SEMA3A: variants seen among roughly 807,000 people sequenced by gnomAD.
SEMA3A encodes the protein semaphorin 3A.
In SEMA3A, 29 loss-of-function variants were observed where a neutral mutation model predicts 97.9. The ratio of observed to expected loss-of-function variants is 0.30; its 90% confidence interval spans 0.22 to 0.40. The LOEUF is 0.40. SEMA3A is among the 10% of genes least tolerant of loss of function. The pLI, the probability that SEMA3A is intolerant of heterozygous loss-of-function variation, is 1.00. For synonymous variants in SEMA3A, 321 were observed against 323.7 expected, an observed-to-expected ratio of 0.99 and a Z score of 0.09; for missense variants, 763 against 951.3, an observed-to-expected ratio of 0.80 and a Z score of 2.60.
At chr7:84,255,736 C>T (rs1799704759) in intron 3 of SEMA3A, among the ~76,000 whole-genome samples, 1 of 151,712 alleles carries the variant, frequency 6.6e-6, no homozygotes, top group Non-Finnish European at 1.5e-5. Flanking sequence ...AGAAAAATGG[C>T]ATATAGATTA....
In SEMA3A at chr7:84,062,898, C is replaced by G. The variant is rs568904805; in HGVS notation, c.454-2340G>C. Among the ~76,000 whole-genome samples, 871 of 151,842 alleles carry G rather than the reference C, an allele frequency of 5.7e-3. 7 individuals carry two copies. Among genetic ancestry groups the G allele is most frequent in the African/African-American group, 0.019 (766 of 41,292 alleles). ...GGTAAACAAAGCAGCCTGGAAGCTC[C>G]AACTGGGTGGAGCCCACCACAGCTC... On this transcript the variant is annotated intron_variant, in intron 4 of 16. Coordinates refer to ENST00000265362, the MANE Select transcript of SEMA3A (RefSeq NM_006080.3).
At chr7:84,442,191 A>G (rs1237494265) in intron 1 of SEMA3A, among the ~76,000 whole-genome samples, 1 of 152,170 alleles carries the variant, frequency 6.6e-6, no homozygotes, top group Non-Finnish European at 1.5e-5. Context: ...ATTTGCCTAA[A>G]ACTAATGTCA....
chr7:84,328,814 G>A (rs1479895397), intron 2 of SEMA3A, among the ~76,000 whole-genome samples: 1 of 151,878 alleles, frequency 6.6e-6, no homozygotes, highest in Non-Finnish European at 1.5e-5. Context: ...CCCATAGAAG[G>A]GAAAGACATA....
intron 12 of SEMA3A, among the ~76,000 whole-genome samples, chr7:84,000,418 C>T (rs560825900): frequency 5.9e-5 from 9 of 152,070 alleles, no homozygotes; most frequent in Non-Finnish European, 1.3e-4. Flanking sequence ...ATCTTGAAGA[C>T]TTAAACCAAG....
chr7:84,199,331 GT>G (rs2116292357), upstream of SEMA3A, among the ~76,000 whole-genome samples: 1 of 152,200 alleles, frequency 6.6e-6, no homozygotes, highest in African/African-American at 2.4e-5. Context: ...CCATTTCATT[GT>G]GATCAGATAC....
chr7:84,216,763 A>G lies in SEMA3A; in HGVS notation c.-82-22095T>C, dbSNP rs530092358. ...ACGTCCAGTTGACAGACTCTCCAAG[A>G]AAATTCTAAAATTAGATACTAGATC... On this transcript the variant is annotated intron_variant, in intron 3 of 3. Coordinates refer to the SEMA3A transcript ENST00000424555. 7.2e-5 allele frequency among the ~76,000 whole-genome samples: 11 copies of G among 152,270 alleles called. No individual in the cohort carries two copies. In the South Asian group the frequency reaches 2.3e-3, roughly 32 times the overall value.
chr7:84,011,226 T>C lies in SEMA3A; in HGVS notation c.882A>G (p.Ser294=), dbSNP rs1199268862. Residue 294 remains serine, a synonymous_variant, in exon 8 of 17, where the codon TCA becomes TCG. Transcript: ENST00000265362. ...TGTCAATGCCATTTGGACCTGGCAC[T>C]GAGCAAATCAGACGAGCTTTGAGGA... The part of the protein sequence containing the change: ...TTFLKARLIC[S]VPGPNGIDTH... The C allele has an allele frequency of 5.6e-6, 9 of 1,613,904 alleles. No individual in the cohort carries two copies. Among genetic ancestry groups the C allele is most frequent in the African/African-American group, 4.0e-5 (3 of 74,932 alleles).
chr7:84,272,655 C>G (rs1800180498), intron 3 of SEMA3A, among the ~76,000 whole-genome samples: 1 of 151,894 alleles, frequency 6.6e-6, no homozygotes, highest in South Asian at 2.1e-4. Flanking sequence ...GTAAATGAGA[C>G]TAGATTACAA....
At chr7:83,995,322 G>T (rs1228539736) in intron 12 of SEMA3A, among the ~76,000 whole-genome samples, 1 of 151,944 alleles carries the variant, frequency 6.6e-6, no homozygotes, top group Non-Finnish European at 1.5e-5. Flanking sequence ...GTTCCTATTT[G>T]GCCATCTTGG....
intron 1 of SEMA3A, among the ~76,000 whole-genome samples, chr7:84,395,567 G>A (rs1025491898): frequency 2.0e-5 from 3 of 151,276 alleles, no homozygotes; most frequent in Non-Finnish European, 4.4e-5. Flanking sequence ...GTCAAGGGGG[G>A]GACCAGGTGG....
chr7:84,417,956 C>A (rs1391240182), intron 1 of SEMA3A, among the ~76,000 whole-genome samples: 1 of 152,004 alleles, frequency 6.6e-6, no homozygotes, highest in Non-Finnish European at 1.5e-5. Flanking sequence ...TTTCTCATAC[C>A]AACCCTTCGA....
At chr7:84,083,397 G>A (rs767328045) in intron 4 of SEMA3A, among the ~76,000 whole-genome samples, 2 of 151,582 alleles carry the variant, frequency 1.3e-5, no homozygotes, top group African/African-American at 4.8e-5. Context: ...ATAAATCAGG[G>A]TAATTGGGAT....
chr7:84,423,113 C>A (rs905169613), intron 1 of SEMA3A, among the ~76,000 whole-genome samples: 2 of 151,852 alleles, frequency 1.3e-5, no homozygotes, highest in Non-Finnish European at 2.9e-5. Context: ...TACCATTGTA[C>A]AATATTTATT....
intron 4 of SEMA3A, among the ~76,000 whole-genome samples, chr7:84,086,909 T>C (rs1406054246): frequency 1.7e-5 from 2 of 119,650 alleles, no homozygotes; most frequent in East Asian, 2.6e-4. Flanking sequence ...GTTAAGTAGC[T>C]ACTCAGTAAT....
At chr7:83,969,259 T>A (rs1377201840) in intron 15 of SEMA3A, among the ~76,000 whole-genome samples, 1 of 152,168 alleles carries the variant, frequency 6.6e-6, no homozygotes, top group Non-Finnish European at 1.5e-5. Flanking sequence ...AATCTTAAAA[T>A]CCTTTATTGA....
intron 3 of SEMA3A, among the ~76,000 whole-genome samples, chr7:84,289,633 A>G (rs79752183): frequency 0.021 from 3,162 of 152,240 alleles, 125 homozygotes; most frequent in African/African-American, 0.071. Context: ...AATGTTAGCA[A>G]GGATATTGAG....
chr7:84,241,686 T>C (rs1211059119), intron 3 of SEMA3A, among the ~76,000 whole-genome samples: 1 of 152,164 alleles, frequency 6.6e-6, no homozygotes, highest in African/African-American at 2.4e-5. Context: ...AGTATTTTAG[T>C]CATGAAGTCT....
chr7:84,459,370 GTT>G (rs1805766637), intron 1 of SEMA3A, among the ~76,000 whole-genome samples: 1 of 152,128 alleles, frequency 6.6e-6, no homozygotes, highest in Non-Finnish European at 1.5e-5. Context: ...TACACTTTGT[GTT>G]TGATTTCCTA....
chr7:84,330,450 T>C (rs1801884033), intron 2 of SEMA3A, among the ~76,000 whole-genome samples: 1 of 152,098 alleles, frequency 6.6e-6, no homozygotes, highest in Non-Finnish European at 1.5e-5. Flanking sequence ...TAAGATCTAC[T>C]GACTTAAATG....
Sources: gnomAD v4.1 joint callset for allele counts (sites outside exome capture counted in the v4.1 genomes callset) on GRCh38, gnomAD v4.1.1 for gene constraint, MANE v1.5 for transcripts, NCBI Gene and HGNC (gene_info 2026-07-23, HGNC 2026-07-21) for gene names.